ADK: variants seen among roughly 807,000 people sequenced by gnomAD.
ADK encodes the protein adenosine kinase.
In ADK, 24 loss-of-function variants were observed where a neutral mutation model predicts 44.7. That is an observed-to-expected ratio of 0.54 (90% CI 0.39 to 0.76). ADK has a LOEUF of 0.76. ADK is among the 30% of genes least tolerant of loss of function. The pLI, the probability that ADK is intolerant of heterozygous loss-of-function variation, is 0.00. For missense variants in ADK, 321 were observed against 425.1 expected (o/e 0.76, Z 2.15); for synonymous variants, 128 against 142.6 (o/e 0.90, Z 0.73).
chr10:74,276,118 C>T (rs1466534538), intron 3 of ADK, among the ~76,000 whole-genome samples: 1 of 152,130 alleles, frequency 6.6e-6, no homozygotes, highest in Non-Finnish European at 1.5e-5. Context: ...GTATATTACA[C>T]ATATGTTTAC....
intron 6 of ADK, among the ~76,000 whole-genome samples, chr10:74,425,114 G>A (rs1231127692): frequency 6.6e-6 from 1 of 152,148 alleles, no homozygotes; most frequent in Admixed American, 6.5e-5. Flanking sequence ...TCCAAAGAGA[G>A]TATTTACATT....
rs144732941 is a variant in ADK at position 74,395,862 on chromosome 10, T to C, written c.446+1549T>C. 1.3e-3 allele frequency among the ~76,000 whole-genome samples: 205 copies of C among 151,932 alleles called. 4 individuals carry two copies. In the East Asian group the frequency reaches 0.036, roughly 26 times the overall value. On this transcript the variant is annotated intron_variant, in intron 5 of 10. Transcript: ENST00000539909. ...GGTGAAACTCCGTCTCTACTAAAAA[T>C]GTAAAAATTAGCCAGGTGTGCACCT... is the stretch of plus-strand genomic sequence containing the variant.
At chr10:74,419,891 C>T (rs1316926008) in intron 6 of ADK, among the ~76,000 whole-genome samples, 4 of 152,182 alleles carry the variant, frequency 2.6e-5, no homozygotes, top group African/African-American at 9.7e-5. Context: ...GAGGCAAGTG[C>T]TTCCATTAGA....
At chr10:74,246,010 G>A (rs1282901474) in intron 3 of ADK, among the ~76,000 whole-genome samples, 1 of 152,024 alleles carries the variant, frequency 6.6e-6, no homozygotes, top group Non-Finnish European at 1.5e-5. Flanking sequence ...ATGAGGATAA[G>A]TGTATATTCA....
chr10:74,480,748 C>G (rs1171368837), intron 6 of ADK, among the ~76,000 whole-genome samples: 1 of 152,130 alleles, frequency 6.6e-6, no homozygotes, highest in Non-Finnish European at 1.5e-5. Flanking sequence ...CAATAATAAG[C>G]TGGAAATATA....
chr10:74,635,393 G>C (rs1289025809), intron 9 of ADK, among the ~76,000 whole-genome samples: 1 of 152,116 alleles, frequency 6.6e-6, no homozygotes, highest in African/African-American at 2.4e-5. Context: ...AGTGATGAAG[G>C]TGATATTAAA....
At chr10:74,445,665 T>C (rs1845566683) in intron 6 of ADK, among the ~76,000 whole-genome samples, 1 of 152,008 alleles carries the variant, frequency 6.6e-6, no homozygotes, top group Non-Finnish European at 1.5e-5. Flanking sequence ...ATATAGGTAG[T>C]TCAACCTCTG....
chr10:74,242,218 G>A (rs1845236920), intron 3 of ADK, among the ~76,000 whole-genome samples: 1 of 152,204 alleles, frequency 6.6e-6, no homozygotes, highest in African/African-American at 2.4e-5. Context: ...TGTACAAGTT[G>A]AGATGTTTAA....
At chr10:74,468,648 C>T (rs565723231) in intron 6 of ADK, among the ~76,000 whole-genome samples, 1 of 152,204 alleles carries the variant, frequency 6.6e-6, no homozygotes, top group Admixed American at 6.5e-5. Context: ...TACAGTTCTC[C>T]TCTTCTGAAA....
chr10:74,350,639 A>G (rs1841932991), intron 4 of ADK, among the ~76,000 whole-genome samples: 1 of 152,196 alleles, frequency 6.6e-6, no homozygotes, highest in East Asian at 1.9e-4. Context: ...TGGTTTTTTG[A>G]AAAGATTAAC....
At chr10:74,690,319 ACC>A (rs1384692061) in intron 10 of ADK, among the ~76,000 whole-genome samples, 1 of 152,070 alleles carries the variant, frequency 6.6e-6, no homozygotes, top group Non-Finnish European at 1.5e-5. Context: ...ACATGGGGAA[ACC>A]CCATCTCTAC....
At chr10:74,685,650 A>G (rs1263475875) in intron 10 of ADK, among the ~76,000 whole-genome samples, 2 of 152,258 alleles carry the variant, frequency 1.3e-5, no homozygotes, top group Non-Finnish European at 2.9e-5. Context: ...AACAGAAAAC[A>G]TAAAGGATAT....
intron 9 of ADK, among the ~76,000 whole-genome samples, chr10:74,613,870 A>G (rs1852646753): frequency 6.6e-6 from 1 of 152,160 alleles, no homozygotes; most frequent in Non-Finnish European, 1.5e-5. Flanking sequence ...TCAATTTTAA[A>G]TGATAACCTT....
At chr10:74,169,185 C>T (rs1842103468) in intron 1 of ADK, among the ~76,000 whole-genome samples, 1 of 114,894 alleles carries the variant, frequency 8.7e-6, no homozygotes, top group Admixed American at 8.9e-5. Flanking sequence ...TGCCAGTACA[C>T]TTCAGCCTGC....
chr10:74,566,070 T>C (rs1453878468), intron 7 of ADK, among the ~76,000 whole-genome samples: 3 of 152,172 alleles, frequency 2.0e-5, no homozygotes, highest in African/African-American at 7.2e-5. Context: ...ATACAAAGGA[T>C]AAATTTATAA....
chr10:74,238,856 C>CTTGTTTTTT (rs1845081304), intron 3 of ADK, among the ~76,000 whole-genome samples: 1 of 88,198 alleles, frequency 1.1e-5, no homozygotes, highest in Non-Finnish European at 2.0e-5. Flanking sequence ...TTAGCTAGTG[C>CTTGTTTTTT]TTTTTTTTTT....
At chr10:74,485,737 G>C (rs79662277) in intron 6 of ADK, among the ~76,000 whole-genome samples, 3 of 151,890 alleles carry the variant, frequency 2.0e-5, no homozygotes, top group African/African-American at 7.3e-5. Context: ...CTATGAACAA[G>C]GCCTCTACCA....
chr10:74,186,480 G>A (rs887241451), intron 1 of ADK, among the ~76,000 whole-genome samples: 2 of 151,406 alleles, frequency 1.3e-5, no homozygotes, highest in Admixed American at 1.3e-4. Flanking sequence ...TGCCGGGGGA[G>A]TGGGGTGGGG....
intron 6 of ADK, among the ~76,000 whole-genome samples, chr10:74,404,362 C>G: frequency 6.6e-6 from 1 of 152,074 alleles, no homozygotes; most frequent in East Asian, 1.9e-4. Context: ...TTTATCATTT[C>G]TAGTTCTCTT....
Sources: gnomAD v4.1 joint callset for allele counts (sites outside exome capture counted in the v4.1 genomes callset) on GRCh38, gnomAD v4.1.1 for gene constraint, MANE v1.5 for transcripts, NCBI Gene and HGNC (gene_info 2026-07-23, HGNC 2026-07-21) for gene names.